MAP4: variants seen among roughly 807,000 people sequenced by gnomAD.
MAP4 encodes the protein microtubule-associated protein 4.
In MAP4, 76 loss-of-function variants were observed where a neutral mutation model predicts 170.2. That is an observed-to-expected ratio of 0.45 (90% CI 0.37 to 0.54). The LOEUF (loss-of-function observed/expected upper bound fraction) is 0.54. MAP4 is among the 20% of genes least tolerant of loss of function. The pLI is 0.00. For synonymous variants in MAP4, 909 were observed against 994.5 expected (o/e 0.91, Z 1.62); for missense variants, 2,506 against 2,748.0 (o/e 0.91, Z 1.97).
In MAP4 at chr3:47,921,880, T is replaced by C; in HGVS notation, c.416-2A>G. 3 of 1,353,812 alleles carry C rather than the reference T, an allele frequency of 2.2e-6. No individual in the cohort carries two copies. The highest frequency in any genetic ancestry group is 2.1e-6 in the Non-Finnish European group (2 of 943,022). 83.9% of individuals were successfully genotyped at this position (1,353,812 alleles called of 1,614,324 possible). On this transcript the variant is annotated splice_acceptor_variant, in intron 4 of 20. Coordinates refer to ENST00000683076, the MANE Select transcript of MAP4 (RefSeq NM_001385682.1). LOFTEE classifies it high-confidence loss of function. The stretch of plus-strand genomic sequence containing the variant: ...CATCATGGTACATCTTAAAGGGATC[T>C]GGAATATAGAAGAAATCCAAAACTC...
At chr3:47,976,779 T>C (rs2100082409) in intron 3 of MAP4, among the ~76,000 whole-genome samples, 1 of 152,224 alleles carries the variant, frequency 6.6e-6, no homozygotes, top group African/African-American at 2.4e-5. Context: ...AATAAGGATG[T>C]ATATGTCACT....
intron 1 of MAP4, among the ~76,000 whole-genome samples, chr3:48,001,806 AC>A: frequency 6.6e-6 from 1 of 152,206 alleles, no homozygotes; most frequent in Admixed American, 6.6e-5. Context: ...CAGCCTGCTT[AC>A]TTTTCTTAAA....
upstream of MAP4, among the ~76,000 whole-genome samples, chr3:48,018,878 T>G (rs1169300228): frequency 6.6e-6 from 1 of 152,188 alleles, no homozygotes; most frequent in East Asian, 1.9e-4. Flanking sequence ...AGAGCAAGCA[T>G]GTTGTCTGGA....
upstream of MAP4, among the ~76,000 whole-genome samples, chr3:48,016,858 C>T (rs1010448505): frequency 3.3e-5 from 5 of 151,526 alleles, no homozygotes; most frequent in African/African-American, 1.2e-4. Flanking sequence ...CTCACTACAA[C>T]CTCCGCCTCC....
chr3:47,853,023 A>G (rs761309209), intron 20 of MAP4, 85 bp from the exon 21 acceptor site: 53 of 1,614,120 alleles, frequency 3.3e-5, no homozygotes, highest in East Asian at 3.1e-4. Flanking sequence ...CGAGACCAGA[A>G]TGTCATCATT....
chr3:48,031,632 G>A (rs528365716), intron 1 of MAP4, among the ~76,000 whole-genome samples: 4 of 152,304 alleles, frequency 2.6e-5, no homozygotes, highest in African/African-American at 7.2e-5. Context: ...GGCTGAGGTG[G>A]GAGGATCACT....
At chr3:47,877,364 T>C (rs2095652213) in intron 11 of MAP4, 53 bp downstream of exon 11, 2 of 1,323,572 alleles carry the variant, frequency 1.5e-6, no homozygotes, top group Non-Finnish European at 1.1e-6. Context: ...CAGCAGAAGA[T>C]ACTCCGTTTA....
At chr3:48,010,337 T>C (rs1277690793) in intron 1 of MAP4, among the ~76,000 whole-genome samples, 1 of 152,254 alleles carries the variant, frequency 6.6e-6, no homozygotes, top group African/African-American at 2.4e-5. Context: ...TCCTCCTTCA[T>C]TTGTTAAAAA....
intron 3 of MAP4, among the ~76,000 whole-genome samples, chr3:47,970,544 T>C (rs2154232818): frequency 6.6e-6 from 1 of 151,688 alleles, no homozygotes; most frequent in South Asian, 2.1e-4. Context: ...GCGTGGTGGC[T>C]CACACCTACA....
chr3:47,973,742 A>G (rs1184912071), intron 3 of MAP4: 3 of 985,360 alleles, frequency 3.0e-6, no homozygotes, highest in Non-Finnish European at 3.6e-6. Context: ...GATGTCAAAC[A>G]TGATTTTTAA....
At chr3:47,965,838 C>G (rs2100074537) in intron 3 of MAP4, among the ~76,000 whole-genome samples, 1 of 152,060 alleles carries the variant, frequency 6.6e-6, no homozygotes, top group Non-Finnish European at 1.5e-5. Flanking sequence ...CCATGGGTTG[C>G]CTTTTCACTC....
At chr3:47,971,814 G>A (rs1171107230) in intron 3 of MAP4, among the ~76,000 whole-genome samples, 1 of 152,100 alleles carries the variant, frequency 6.6e-6, no homozygotes, top group East Asian at 1.9e-4. Flanking sequence ...CTGTGTCTTT[G>A]CCTAGAACAC....
intron 3 of MAP4, chr3:47,973,097 T>A (rs1473428467): frequency 1.0e-6 from 1 of 980,360 alleles, no homozygotes; most frequent in Non-Finnish European, 1.2e-6. Flanking sequence ...TAATGTAAGA[T>A]GTTTATTAGT....
intron 17 of MAP4, among the ~76,000 whole-genome samples, chr3:47,865,781 T>A (rs2078446197): frequency 1.3e-5 from 2 of 152,206 alleles, no homozygotes; most frequent in Non-Finnish European, 2.9e-5. Flanking sequence ...GGGCAGGGGC[T>A]GTACATGGCG....
At chr3:47,860,536 A>G (rs2063861036) in intron 17 of MAP4, among the ~76,000 whole-genome samples, 1 of 152,180 alleles carries the variant, frequency 6.6e-6, no homozygotes, top group Non-Finnish European at 1.5e-5. Context: ...TGAAGCCTCT[A>G]TCTCTTGACC....
intron 10 of MAP4, chr3:47,891,611 T>A (rs1370050140): frequency 6.5e-7 from 1 of 1,535,930 alleles, no homozygotes; most frequent in East Asian, 2.4e-5. Flanking sequence ...CACTGCCTTT[T>A]TCTGCTGGGG....
intron 3 of MAP4, among the ~76,000 whole-genome samples, chr3:47,953,584 C>G (rs1156897289): frequency 1.3e-5 from 2 of 152,016 alleles, no homozygotes; most frequent in African/African-American, 4.8e-5. Flanking sequence ...GTGGAGATGC[C>G]AAAGTTTCCC....
At chr3:48,069,021 G>A (rs1011512084) in intron 1 of MAP4, among the ~76,000 whole-genome samples, 6 of 152,116 alleles carry the variant, frequency 3.9e-5, no homozygotes, top group Admixed American at 6.6e-5. Context: ...ATAAATATCC[G>A]TGGTATTAAA....
At position 47,984,379 on chromosome 3, in the gene MAP4, C is replaced by T. The variant is rs115292317; in HGVS notation, c.224-6446G>A. 8.5e-4 allele frequency among the ~76,000 whole-genome samples: 129 copies of T among 152,254 alleles called. 1 individual carries two copies. The Middle Eastern group carries it at 0.01, about 12-fold the overall frequency. The stretch of plus-strand genomic sequence containing the variant: ...GACTTTCATATAAGATGCAGCAGAA[C>T]ACATTTCAACTGGCTTGGAAACCAG... On this transcript the variant is annotated intron_variant, in intron 2 of 20. Transcript: ENST00000683076.
Sources: allele counts gnomAD v4.1 joint callset (sites outside exome capture counted in the v4.1 genomes callset), GRCh38; gene constraint gnomAD v4.1.1; transcripts MANE v1.5; gene names NCBI Gene and HGNC (gene_info 2026-07-23, HGNC 2026-07-21).